The following USP46 variants were observed in gnomAD, a reference collection of about 807,000 sequenced individuals.
USP46 encodes ubiquitin specific peptidase 46, also known as ubiquitin carboxyl-terminal hydrolase 46.
USP46 carries 12 observed loss-of-function variants against 44.4 expected under a neutral mutation model. That is an observed-to-expected ratio of 0.27 (90% CI 0.17 to 0.44). The LOEUF is 0.44. Among genes scored for constraint, USP46 ranks in the 20% least tolerant of loss-of-function variants. The pLI, the probability that USP46 is intolerant of heterozygous loss-of-function variation, is 1.00. For synonymous variants in USP46, 155 were observed against 161.5 expected, an observed-to-expected ratio of 0.96 and a Z score of 0.31; for missense variants, 248 against 444.8, an observed-to-expected ratio of 0.56 and a Z score of 3.98.
chr4:52,635,600 T>A (rs1718083085), intron 1 of USP46, among the ~76,000 whole-genome samples: 1 of 152,226 alleles, frequency 6.6e-6, no homozygotes, highest in Admixed American at 6.5e-5. Flanking sequence ...ACTTCCTACA[T>A]GCCTCTTTCT....
At chr4:52,610,087 G>A (rs1322255411) in intron 5 of USP46, among the ~76,000 whole-genome samples, 1 of 149,256 alleles carries the variant, frequency 6.7e-6, no homozygotes, top group Non-Finnish European at 1.5e-5. Context: ...CACCATGCCC[G>A]GCTAATTTTT....
At chr4:52,651,572 T>A (rs1292700823) in intron 1 of USP46, among the ~76,000 whole-genome samples, 1 of 152,194 alleles carries the variant, frequency 6.6e-6, no homozygotes, top group Non-Finnish European at 1.5e-5. Context: ...CAGTATATAT[T>A]CAAGCAGATC....
intron 1 of USP46, chr4:52,658,152 G>A (rs4311371): frequency 4.4e-6 from 2 of 453,566 alleles, no homozygotes; most frequent in South Asian, 3.1e-5. Context: ...AAAGAATGTA[G>A]GCAAAACACA....
At chr4:52,626,347 G>C in intron 3 of USP46, 100 bp from the exon 4 acceptor site, 1 of 1,014,568 alleles carries the variant, frequency 9.9e-7, no homozygotes, top group Non-Finnish European at 1.4e-6. Flanking sequence ...TTTTTGAGAT[G>C]GAGTCTCGCT....
chr4:52,631,250 A>AAATACCGTGTTGAC, intron 1 of USP46, 106 bp from the exon 2 acceptor site: 1 of 827,818 alleles, frequency 1.2e-6, no homozygotes, highest in Non-Finnish European at 1.9e-6. Flanking sequence ...CCTGGTCAAC[A>AAATACCGTGTTGAC]CGGTATTTGT....
At chr4:52,625,727 T>A (rs1161551984) in intron 4 of USP46, among the ~76,000 whole-genome samples, 1 of 152,160 alleles carries the variant, frequency 6.6e-6, no homozygotes, top group Non-Finnish European at 1.5e-5. Context: ...GGTAACTGGT[T>A]GACATCCAAT....
chr4:52,658,489 C>G (rs1304985119), intron 1 of USP46, among the ~76,000 whole-genome samples: 1 of 152,166 alleles, frequency 6.6e-6, no homozygotes, highest in African/African-American at 2.4e-5. Flanking sequence ...CAAATATTAC[C>G]GCCACAGAGC....
chr4:52,610,805 C>T (rs1039272412), intron 4 of USP46, among the ~76,000 whole-genome samples, 188 bp from the exon 5 acceptor site: 1 of 152,180 alleles, frequency 6.6e-6, no homozygotes, highest in African/African-American at 2.4e-5. Context: ...CCCAAATTCT[C>T]AATTTAACCT....
intron 5 of USP46, among the ~76,000 whole-genome samples, chr4:52,604,820 A>G (rs1004918208): frequency 6.6e-6 from 1 of 152,302 alleles, no homozygotes; most frequent in East Asian, 1.9e-4. Flanking sequence ...TCGAATCATG[A>G]ATTTACCATG....
intron 8 of USP46, among the ~76,000 whole-genome samples, chr4:52,597,958 A>G (rs1376618325): frequency 2.0e-5 from 3 of 152,274 alleles, no homozygotes; most frequent in African/African-American, 7.2e-5. Flanking sequence ...CAATGCCTTC[A>G]TGCATTAGCA....
At chr4:52,627,275 G>A (rs1231155461) in intron 3 of USP46, among the ~76,000 whole-genome samples, 3 of 152,142 alleles carry the variant, frequency 2.0e-5, no homozygotes, top group Non-Finnish European at 4.4e-5. Flanking sequence ...ACAAATACCT[G>A]ATTAACCATG....
intron 4 of USP46, among the ~76,000 whole-genome samples, chr4:52,621,492 C>T (rs1192907751): frequency 6.6e-6 from 1 of 152,050 alleles, no homozygotes; most frequent in Non-Finnish European, 1.5e-5. Flanking sequence ...CTCATCTCTA[C>T]TAAAAATACA....
intron 1 of USP46, among the ~76,000 whole-genome samples, chr4:52,645,061 C>T (rs181621797): frequency 3.0e-4 from 46 of 151,040 alleles, no homozygotes; most frequent in African/African-American, 9.2e-4. Context: ...CATCTCAAAA[C>T]AACAACAACA....
chr4:52,613,159 A>G (rs2109611069), intron 4 of USP46, among the ~76,000 whole-genome samples: 1 of 152,248 alleles, frequency 6.6e-6, no homozygotes, highest in Middle Eastern at 3.4e-3. Flanking sequence ...TGAGGGGGAA[A>G]TGCAGTCTTT....
intron 5 of USP46, among the ~76,000 whole-genome samples, chr4:52,606,829 A>G (rs529308043): frequency 9.8e-4 from 150 of 152,332 alleles, no homozygotes; most frequent in African/African-American, 3.5e-3. Context: ...AAGGCAAGAA[A>G]GCCATTAGAA....
chr4:52,645,189 C>T (rs527307607), intron 1 of USP46, among the ~76,000 whole-genome samples: 1 of 147,944 alleles, frequency 6.8e-6, no homozygotes, highest in South Asian at 2.1e-4. Context: ...CGCGCCACTG[C>T]ACTCCAGCCT....
chr4:52,599,104 G>A (rs1034654438), intron 7 of USP46, among the ~76,000 whole-genome samples: 2 of 152,164 alleles, frequency 1.3e-5, no homozygotes, highest in Admixed American at 6.5e-5. Flanking sequence ...ACTTATAAAT[G>A]TATGTCAAGT....
chr4:52,658,304 G>T (rs149803595), intron 1 of USP46: 1 of 456,150 alleles, frequency 2.2e-6, no homozygotes, highest in South Asian at 1.5e-5. Context: ...GGAAAGCAAT[G>T]GGGGAAACCC....
chr4:52,597,876 A>G, intron 8 of USP46, 135 bp from the exon 9 acceptor site: 4 of 663,024 alleles, frequency 6.0e-6, no homozygotes, highest in Non-Finnish European at 9.9e-6. Flanking sequence ...AACTTTCAAT[A>G]GCAAATGGAG....
Sources: gnomAD v4.1 joint callset for allele counts (sites outside exome capture counted in the v4.1 genomes callset) on GRCh38, gnomAD v4.1.1 for gene constraint, MANE v1.5 for transcripts, NCBI Gene and HGNC (gene_info 2026-07-23, HGNC 2026-07-21) for gene names.